ODAD1: variants seen among roughly 807,000 people sequenced by gnomAD.
The protein encoded by ODAD1 is outer dynein arm docking complex subunit 1, also known as outer dynein arm-docking complex subunit 1.
Under a neutral mutation model 67.2 loss-of-function variants are expected in ODAD1, and 49 were observed. The ratio of observed to expected loss-of-function variants is 0.73; its 90% CI spans 0.58 to 0.92. The LOEUF is 0.92. ODAD1 is among the 40% of genes least tolerant of loss of function. The probability of loss-of-function intolerance (pLI) is 0.00; values close to 1 mark genes in which losing one functional copy is unlikely to be tolerated. For synonymous variants in ODAD1, 345 were observed against 393.7 expected (o/e 0.88, Z 1.46); for missense variants, 897 against 953.7 (o/e 0.94, Z 0.78).
At position 48,303,018 on chromosome 19, in the gene ODAD1, T is replaced by C. The variant is rs748648447; in HGVS notation, c.1066A>G (p.Lys356Glu). 1.2e-6 allele frequency: 2 copies of C among 1,613,810 alleles called. No homozygotes were observed. The highest frequency in any genetic ancestry group is 3.3e-5 in the Admixed American group (2 of 60,012). ...LELEHVQEEI[K>E]EMQEALVSAR... is the part of the protein sequence containing the mutation. ...AGAGGGCAGGCCTCACTCACCTCCTTGATCTCTTCCTGCACATGCTCCAGC... is the reference window on the plus strand; with the variant it reads ...AGAGGGCAGGCCTCACTCACCTCCTCGATCTCTTCCTGCACATGCTCCAGC... The change falls in exon 11 of 16, where the codon AAG becomes GAG. Residue 356 changes from lysine to glutamate, a missense_variant. By Grantham distance (56) the Lys-to-Glu change is moderately conservative. Coordinates refer to ENST00000674294, the MANE Select transcript of ODAD1 (RefSeq NM_001364171.2).
chr19:48,302,711 A>G lies in ODAD1; in HGVS notation c.1223T>C (p.Leu408Pro). ...EARFQDVRGQ[L>P]EKLKADIQLL... ...GTGCTCACCAGCCTTGAGCTTCTCC[A>G]GCTGTCCCCGCACATCCTGGAAGCG... is the stretch of plus-strand genomic sequence containing the variant. Residue 408 changes from leucine (L) to proline (P), a missense_variant, in exon 12 of 16, where the codon CTG (leucine) becomes CCG (proline). Physicochemically the swap from Leu to Pro is moderately conservative, Grantham distance 98. Coordinates refer to ENST00000674294, the MANE Select transcript of ODAD1 (RefSeq NM_001364171.2). The G allele has an allele frequency of 6.2e-7, 1 of 1,611,234 alleles. No individual in the cohort carries two copies. The highest frequency in any genetic ancestry group is 8.5e-7 in the Non-Finnish European group (1 of 1,179,882).
chr19:48,308,524 T>C (rs1359970167), intron 7 of ODAD1, among the ~76,000 whole-genome samples: 1 of 152,164 alleles, frequency 6.6e-6, no homozygotes, highest in African/African-American at 2.4e-5. Context: ...GTGGGAGAAA[T>C]GACAGAGTCT....
chr19:48,313,445 AACC>A lies in ODAD1; in HGVS notation c.361-1332_361-1330del, dbSNP rs1346995963. 2.5e-4 allele frequency among the ~76,000 whole-genome samples: 25 copies of A among 98,422 alleles called. 3 individuals are homozygous for A. Among genetic ancestry groups the A allele is most frequent in the African/African-American group, 6.4e-4 (16 of 24,834 alleles). 64.6% of individuals were successfully genotyped at this position (98,422 alleles called of 152,430 possible). A position where few individuals can be genotyped will look rare whatever the true frequency, so the allele number is the denominator to read the frequency against. On this transcript the variant is annotated intron_variant, in intron 5 of 15. Transcript: ENST00000674294. ...CCATCTCAAAAAAAAAAAAAAAAAAAACCAAAAAAAAACCTCACATGTTGAAGT... is the reference window on the plus strand; with the variant it reads ...CCATCTCAAAAAAAAAAAAAAAAAAAAAAAAAAAACCTCACATGTTGAAGT...
intron 7 of ODAD1, among the ~76,000 whole-genome samples, chr19:48,308,483 G>A (rs1968675648): frequency 6.6e-6 from 1 of 151,462 alleles, no homozygotes; most frequent in East Asian, 1.9e-4. Context: ...GCCGAGAAGT[G>A]TTTCCTTAAG....
At chr19:48,317,839 G>A (rs1042896344) in intron 5 of ODAD1, among the ~76,000 whole-genome samples, 9 of 151,994 alleles carry the variant, frequency 5.9e-5, no homozygotes, top group Non-Finnish European at 1.3e-4. Context: ...TTGGGAGGCC[G>A]AGGTGGGCGG....
At chr19:48,302,071 G>GATGGATGGATGGATGGGTGGATGA (rs1968477325) in intron 12 of ODAD1, among the ~76,000 whole-genome samples, 1 of 151,640 alleles carries the variant, frequency 6.6e-6, no homozygotes, top group African/African-American at 2.4e-5. Flanking sequence ...ATAGACCCTG[G>GATGGATGGATGGATGGGTGGATGA]ATGGATGGAT....
In ODAD1 at chr19:48,297,216, G is replaced by A. The variant is rs905465731; in HGVS notation, c.1884C>T (p.Thr628=). The A allele has an allele frequency of 2.5e-6, 4 of 1,614,050 alleles. No homozygotes were observed. The African/African-American group carries it at 5.3e-5, about 22-fold the overall frequency. The change falls in exon 16 of 16, where the codon ACC becomes ACT. Residue 628 remains threonine (T), a synonymous_variant. Transcript: ENST00000674294. ...PNTGHVTFGS[T]SASSGGHVTF... is the part of the protein sequence containing the mutation. Reference sequence around the variant, plus strand: ...TCACGTGGCCCCCACTCGAGGCACTGGTGGAGCCGAAGGTCACGTGGCCAG... The same window carrying A: ...TCACGTGGCCCCCACTCGAGGCACTAGTGGAGCCGAAGGTCACGTGGCCAG...
chr19:48,308,657 C>T (rs546934185), intron 7 of ODAD1, among the ~76,000 whole-genome samples: 1 of 152,354 alleles, frequency 6.6e-6, no homozygotes, highest in African/African-American at 2.4e-5. Context: ...CCGGTAGGAG[C>T]CCTGACCCTT....
At chr19:48,307,927 C>A (rs1968659012) in intron 7 of ODAD1, among the ~76,000 whole-genome samples, 1 of 151,786 alleles carries the variant, frequency 6.6e-6, no homozygotes, top group Non-Finnish European at 1.5e-5. Flanking sequence ...AGGGATGGGG[C>A]AGAACAAGGT....
chr19:48,309,255 G>GT (rs1968697606), intron 7 of ODAD1, among the ~76,000 whole-genome samples: 1 of 152,180 alleles, frequency 6.6e-6, no homozygotes, highest in Admixed American at 6.5e-5. Flanking sequence ...CAAGTACCCG[G>GT]TAAGGTCCCT....
intron 8 of ODAD1, among the ~76,000 whole-genome samples, chr19:48,305,240 A>G (rs1365976830): frequency 1.3e-5 from 2 of 152,084 alleles, no homozygotes; most frequent in Non-Finnish European, 2.9e-5. Context: ...AGGGAGAGAG[A>G]AGCCAACACC....
chr19:48,309,256 T>C (rs1353750963), intron 7 of ODAD1, among the ~76,000 whole-genome samples: 2 of 152,070 alleles, frequency 1.3e-5, no homozygotes, highest in Non-Finnish European at 2.9e-5. Flanking sequence ...AAGTACCCGG[T>C]AAGGTCCCTC....
At chr19:48,308,255 G>A (rs7507383) in intron 7 of ODAD1, among the ~76,000 whole-genome samples, 116,721 of 151,752 alleles carry the variant, frequency 0.77, 45,853 homozygotes, top group African/African-American at 0.94. Flanking sequence ...GCTCACTGCA[G>A]CCTCCAGCTC....
At position 48,320,802 on chromosome 19, in the gene ODAD1, G is replaced by T; in HGVS notation, c.-54C>A. The T allele has an allele frequency of 6.4e-6, 1 of 156,458 alleles. No homozygotes were observed. The allele number at this position is 156,458 out of a possible 1,614,324, so 9.7% of individuals were successfully genotyped here. ...CTTGGTGCTCCAAGTTCAGTGTTGTGGTCTGGTTACTGGGGAGATAAGGGA... is the reference window on the plus strand; with the variant it reads ...CTTGGTGCTCCAAGTTCAGTGTTGTTGTCTGGTTACTGGGGAGATAAGGGA... On this transcript the variant is annotated 5_prime_UTR_variant, in exon 2 of 16. Transcript: ENST00000674294.
rs1968776807 is a variant in ODAD1, at chr19:48,312,035, TCTTGAC to T, written c.436_441del (p.Val146_Lys147del). 1 of 1,551,330 alleles carries T rather than the reference TCTTGAC, an allele frequency of 6.4e-7. No individual in the cohort carries two copies. Among genetic ancestry groups the T allele is most frequent in the African/African-American group, 1.4e-5 (1 of 73,010 alleles). ...TCTAGGATCCTGATCCTTCGCCTGA[TCTTGAC>T]CTTCTGATCCAGGATGAATCCCGGG... On this transcript the variant is annotated inframe_deletion, in exon 6 of 16. Coordinates refer to ENST00000674294, the MANE Select transcript of ODAD1 (RefSeq NM_001364171.2).
At position 48,304,088 on chromosome 19, in the gene ODAD1, CCT is replaced by C. The variant is rs1569004975; in HGVS notation, c.716_717del (p.Glu239GlyfsTer43). ...MGLLRERAEK[E>X]EAQSEMEAQV... ...TGCGCCTCCATCTCGCTCTGGGCCTCCTCTTTCTCCGCGCGCTCCCGCAGCAA... is the reference window on the plus strand; with the variant it reads ...TGCGCCTCCATCTCGCTCTGGGCCTCCTTTCTCCGCGCGCTCCCGCAGCAA... On this transcript the variant is annotated frameshift_variant, in exon 9 of 16. Transcript: ENST00000674294. LOFTEE classifies it high-confidence loss of function. 1 of 1,613,966 alleles carries C rather than the reference CCT, an allele frequency of 6.2e-7. No individual in the cohort carries two copies. The highest frequency in any genetic ancestry group is 1.7e-4 in the Middle Eastern group (1 of 6,060).
At position 48,297,084 on chromosome 19, in the gene ODAD1, C is replaced by T. The variant is rs762838065; in HGVS notation, c.2016G>A (p.Ala672=). 14 of 1,613,212 alleles carry T rather than the reference C, an allele frequency of 8.7e-6. No individual in the cohort carries two copies. In the African/African-American group the frequency reaches 1.1e-4, roughly 12 times the overall value. Residue 672 remains alanine, a synonymous_variant, in exon 16 of 16, where the codon GCG becomes GCA. Coordinates refer to ENST00000674294, the MANE Select transcript of ODAD1 (RefSeq NM_001364171.2). ...TEGGVESGGT[A]SDSSGGLGSS... ...ACCCGAGGCCTCCGCTCGAATCAGA[C>T]GCTGTGCCTCCGCTCTCCACACCAC...
At chr19:48,301,815 CTGGA>C (rs201641397) in intron 12 of ODAD1, among the ~76,000 whole-genome samples, 13,008 of 145,270 alleles carry the variant, frequency 0.09, 1,068 homozygotes, top group African/African-American at 0.23. Context: ...GGAATAGATC[CTGGA>C]TGGATGGATG....
intron 8 of ODAD1, among the ~76,000 whole-genome samples, chr19:48,304,533 C>G (rs958502759): frequency 6.6e-6 from 1 of 151,842 alleles, no homozygotes; most frequent in African/African-American, 2.4e-5. Flanking sequence ...GCAAGAGAAT[C>G]GCTTGAACCT....
Sources: gnomAD v4.1 joint callset for allele counts (sites outside exome capture counted in the v4.1 genomes callset) on GRCh38, gnomAD v4.1.1 for gene constraint, MANE v1.5 for transcripts, NCBI Gene and HGNC (gene_info 2026-07-23, HGNC 2026-07-21) for gene names.